ASIC2: variants seen among roughly 807,000 people sequenced by gnomAD.
ASIC2 encodes the protein acid sensing ion channel subunit 2, also known as acid-sensing ion channel 2.
A neutral mutation model predicts 57.3 loss-of-function variants in ASIC2; 25 were observed. That is an observed-to-expected ratio of 0.44 (90% confidence interval 0.32 to 0.61). The LOEUF (loss-of-function observed/expected upper bound fraction) is 0.61. Among genes scored for constraint, ASIC2 ranks in the 20% least tolerant of loss-of-function variants. ASIC2 has a pLI of 0.06. For synonymous variants in ASIC2, 319 were observed against 307.5 expected (o/e 1.04, Z -0.39); for missense variants, 641 against 738.1 (o/e 0.87, Z 1.52).
chr17:33,791,282 G>C (rs1911762020), intron 1 of ASIC2, among the ~76,000 whole-genome samples: 1 of 152,194 alleles, frequency 6.6e-6, no homozygotes, highest in African/African-American at 2.4e-5. Flanking sequence ...AGAGAAGGAA[G>C]GCACTCTGAG....
At chr17:33,305,982 T>G (rs1349273577) in intron 1 of ASIC2, among the ~76,000 whole-genome samples, 1 of 152,224 alleles carries the variant, frequency 6.6e-6, no homozygotes, top group Non-Finnish European at 1.5e-5. Flanking sequence ...TATTCAGAAT[T>G]GGTTACATTG....
At chr17:33,704,304 A>G (rs1350102405) in intron 1 of ASIC2, among the ~76,000 whole-genome samples, 1 of 152,232 alleles carries the variant, frequency 6.6e-6, no homozygotes, top group Non-Finnish European at 1.5e-5. Flanking sequence ...ATATTGGTAT[A>G]GGAACAAGCA....
intron 1 of ASIC2, among the ~76,000 whole-genome samples, chr17:33,274,134 G>C (rs1497359): frequency 0.37 from 55,603 of 152,114 alleles, 10,184 homozygotes; most frequent in Admixed American, 0.42. Flanking sequence ...GGCAAGTGAT[G>C]TGACCACATT....
At chr17:33,180,201 C>T (rs920478170) in intron 1 of ASIC2, among the ~76,000 whole-genome samples, 4 of 152,208 alleles carry the variant, frequency 2.6e-5, no homozygotes, top group Non-Finnish European at 4.4e-5. Flanking sequence ...GTTCTATTTA[C>T]GTCCACCTTT....
rs184184579 is a variant in ASIC2 at position 33,218,293 on chromosome 17, C to T, written c.708+73115G>A. Among the ~76,000 whole-genome samples the T allele has an allele frequency of 8.7e-4, 132 of 152,146 alleles. 1 individual carries two copies. Among genetic ancestry groups the T allele is most frequent in the African/African-American group, 3.1e-3 (129 of 41,506 alleles). On this transcript the variant is annotated intron_variant, in intron 1 of 9. Coordinates refer to ENST00000225823, the MANE Select transcript of ASIC2 (RefSeq NM_183377.2). ...GGCTTCCTGATGCTGCGGGGCAGGCCCAGGTCTGAGGTGCAGAGAATTGGG... is the reference window on the plus strand; with the variant it reads ...GGCTTCCTGATGCTGCGGGGCAGGCTCAGGTCTGAGGTGCAGAGAATTGGG...
chr17:33,719,701 C>T (rs1174278319), intron 1 of ASIC2, among the ~76,000 whole-genome samples: 1 of 152,204 alleles, frequency 6.6e-6, no homozygotes, highest in African/African-American at 2.4e-5. Flanking sequence ...GGCACTGAGT[C>T]TTGCCTTGAG....
intron 1 of ASIC2, among the ~76,000 whole-genome samples, chr17:33,414,358 G>A (rs537891658): frequency 2.0e-5 from 3 of 152,182 alleles, no homozygotes; most frequent in Non-Finnish European, 4.4e-5. Flanking sequence ...GTGGTGGAAC[G>A]AGGAAGGGGA....
chr17:33,101,369 A>G (rs1307287746), intron 2 of ASIC2, among the ~76,000 whole-genome samples: 1 of 152,240 alleles, frequency 6.6e-6, no homozygotes, highest in Non-Finnish European at 1.5e-5. Context: ...ATATGTACAT[A>G]ATTTAAAAAT....
At chr17:33,286,862 C>A (rs915744234) in intron 1 of ASIC2, among the ~76,000 whole-genome samples, 1 of 152,174 alleles carries the variant, frequency 6.6e-6, no homozygotes, top group African/African-American at 2.4e-5. Flanking sequence ...TACCCCCCAG[C>A]AGCTAGTACA....
chr17:33,114,180 T>G (rs2092271467), intron 1 of ASIC2, among the ~76,000 whole-genome samples: 1 of 152,238 alleles, frequency 6.6e-6, no homozygotes, highest in Non-Finnish European at 1.5e-5. Context: ...TCTTTCAGCT[T>G]CATGGCAGAG....
At chr17:33,692,251 T>C (rs942413252) in intron 1 of ASIC2, 1 of 152,196 alleles carries the variant, frequency 6.6e-6, no homozygotes, top group Admixed American at 6.5e-5. Flanking sequence ...CCTATCATTA[T>C]CCTCTTCACC....
At chr17:33,997,019 A>C (rs557276610) in intron 1 of ASIC2, among the ~76,000 whole-genome samples, 1 of 152,126 alleles carries the variant, frequency 6.6e-6, no homozygotes, top group East Asian at 1.9e-4. Flanking sequence ...TTGTGTCTTC[A>C]GTTCCTTTAT....
intron 1 of ASIC2, among the ~76,000 whole-genome samples, chr17:34,137,889 C>T (rs1392341590): frequency 2.0e-5 from 3 of 152,126 alleles, no homozygotes; most frequent in Admixed American, 1.3e-4. Context: ...ACCTAATCAT[C>T]TCCCACAGGC....
At chr17:33,166,176 C>A (rs1905300410) in intron 1 of ASIC2, among the ~76,000 whole-genome samples, 1 of 152,202 alleles carries the variant, frequency 6.6e-6, no homozygotes, top group Non-Finnish European at 1.5e-5. Flanking sequence ...CACAATTGCT[C>A]TAATCTTTTA....
chr17:34,135,738 T>C (rs1912108342), intron 1 of ASIC2, among the ~76,000 whole-genome samples: 1 of 152,104 alleles, frequency 6.6e-6, no homozygotes, highest in Admixed American at 6.5e-5. Context: ...AAATATATGA[T>C]TAAAAGGTGA....
chr17:33,179,541 G>A (rs775430107), intron 1 of ASIC2, among the ~76,000 whole-genome samples: 4 of 152,136 alleles, frequency 2.6e-5, no homozygotes, highest in Non-Finnish European at 5.9e-5. Context: ...ATATAAAGCC[G>A]TTTTGGGACT....
chr17:33,688,021 C>A (rs1597835947), intron 1 of ASIC2, among the ~76,000 whole-genome samples: 2 of 152,200 alleles, frequency 1.3e-5, no homozygotes, highest in East Asian at 3.9e-4. Flanking sequence ...ATCAATCTCA[C>A]TTCCTCTCAA....
In ASIC2 at chr17:33,057,991, G is replaced by A. The variant is rs185444377; in HGVS notation, c.988-29599C>T. The stretch of plus-strand genomic sequence containing the variant: ...ATTCGAGTTTCCCAGTAAAAGTTAA[G>A]CATACATCTTTTTAATACATTGATG... On this transcript the variant is annotated intron_variant, in intron 3 of 9. Coordinates refer to ENST00000225823, the MANE Select transcript of ASIC2 (RefSeq NM_183377.2). Among the ~76,000 whole-genome samples, 337 of 152,088 alleles carry A rather than the reference G, an allele frequency of 2.2e-3. 2 individuals carry two copies. The highest frequency in any genetic ancestry group is 4.4e-4 in the Non-Finnish European group (30 of 68,014).
chr17:33,948,149 A>G (rs1904443268), intron 1 of ASIC2, among the ~76,000 whole-genome samples: 1 of 152,218 alleles, frequency 6.6e-6, no homozygotes, highest in Non-Finnish European at 1.5e-5. Flanking sequence ...ATGGGGCAGA[A>G]GGGAACACTC....
Sources: gnomAD v4.1 joint callset for allele counts (sites outside exome capture counted in the v4.1 genomes callset) on GRCh38, gnomAD v4.1.1 for gene constraint, MANE v1.5 for transcripts, NCBI Gene and HGNC (gene_info 2026-07-23, HGNC 2026-07-21) for gene names.